Variants in TTK observed in about 807,000 individuals in gnomAD.
The protein encoded by TTK is dual specificity protein kinase TTK.
A neutral mutation model predicts 117.3 loss-of-function variants in TTK; 59 were observed. The ratio of observed to expected loss-of-function variants is 0.50; its 90% CI spans 0.41 to 0.62. The LOEUF is 0.62. TTK is among the 20% of genes least tolerant of loss of function. The probability of loss-of-function intolerance (pLI) is 0.00; values close to 1 mark genes in which losing one functional copy is unlikely to be tolerated. For synonymous variants in TTK, 302 were observed against 325.0 expected (o/e 0.93, Z 0.76); for missense variants, 921 against 989.4 (o/e 0.93, Z 0.93).
chr6:80,040,665 G>C lies in TTK; in HGVS notation c.2452G>C (p.Gly818Arg). Residue 818 changes from glycine to arginine, a missense_variant, in exon 21 of 22, where the codon GGT becomes CGT. Transcript: ENST00000369798. ...EMKYVLGQLV[G>R]LNSPNSILKA... is the part of the protein sequence containing the mutation. ...GAAATATGTTCTGGGCCAACTTGTT[G>C]GTCTGAATTCTCCTAACTCCATTTT... 1 of 1,611,762 alleles carries C rather than the reference G, an allele frequency of 6.2e-7. No individual in the cohort carries two copies. The highest frequency in any genetic ancestry group is 1.1e-5 in the South Asian group (1 of 90,944).
chr6:80,010,043 G>C (rs1471628559), intron 4 of TTK, among the ~76,000 whole-genome samples: 1 of 152,030 alleles, frequency 6.6e-6, no homozygotes, highest in Non-Finnish European at 1.5e-5. Flanking sequence ...AGAAGCTAGA[G>C]ATCATCTCTT....
intron 2 of TTK, chr6:80,006,193 CATTT>C: frequency 1.7e-6 from 1 of 574,994 alleles, no homozygotes; most frequent in Non-Finnish European, 3.2e-6. Flanking sequence ...GGCACTTAAA[CATTT>C]ATTGAACAAT....
intron 12 of TTK, among the ~76,000 whole-genome samples, chr6:80,027,372 A>T (rs1338225878): frequency 6.6e-6 from 1 of 152,192 alleles, no homozygotes; most frequent in Non-Finnish European, 1.5e-5. Context: ...AATTATTGTT[A>T]ACAAATATTT....
intron 2 of TTK, among the ~76,000 whole-genome samples, chr6:80,007,238 G>A (rs1228027048): frequency 6.6e-6 from 1 of 152,060 alleles, no homozygotes; most frequent in African/African-American, 2.4e-5. Flanking sequence ...AGAAATTTAG[G>A]TTACTTGGAG....
chr6:80,013,430 G>C, intron 9 of TTK, 64 bp downstream of exon 9: 1 of 1,340,968 alleles, frequency 7.5e-7, no homozygotes, highest in Non-Finnish European at 1.0e-6. Flanking sequence ...CAGTATTCAT[G>C]GAGCTTTTTC....
intron 11 of TTK, among the ~76,000 whole-genome samples, chr6:80,024,269 G>T (rs532844063): frequency 6.6e-6 from 1 of 152,246 alleles, no homozygotes; most frequent in African/African-American, 2.4e-5. Context: ...GTAGTTAAGA[G>T]AATTGAAAAC....
intron 1 of TTK, 146 bp from the exon 2 acceptor site, chr6:80,005,696 C>A: frequency 1.3e-6 from 1 of 789,096 alleles, no homozygotes; most frequent in South Asian, 1.8e-5. Flanking sequence ...GTGCACTTAC[C>A]TCCATTAATA....
At position 80,028,036 on chromosome 6, in the gene TTK, G is replaced by T. The variant is rs189475741; in HGVS notation, c.1521+25G>T. 7.1e-3 allele frequency: 11,211 copies of T among 1,570,490 alleles called. 68 individuals carry two copies. Among genetic ancestry groups the T allele is most frequent in the Non-Finnish European group, 8.8e-3 (10,222 of 1,160,442 alleles). On this transcript the variant is annotated intron_variant, in intron 13 of 21. Transcript: ENST00000369798. ...GGTTCGATAAGCTTTATATATGATG[G>T]TATATGTTAAGATACAGTCCGTTTT...
rs748390988 is a variant in TTK, at chr6:80,007,929, T to G, written c.260T>G (p.Leu87Trp). ...VPLSDALLNKLIGRYSQAIEA... is the reference protein window; with the variant it reads ...VPLSDALLNKWIGRYSQAIEA... ...CTAAGTGATGCTCTTTTAAATAAAT[T>G]GATTGGTCGTTACAGTCAAGCAATT... The change falls in exon 3 of 22, where the codon TTG becomes TGG. Residue 87 changes from leucine to tryptophan, a missense_variant. Transcript: ENST00000369798. 8 of 1,613,636 alleles carry G rather than the reference T, an allele frequency of 5.0e-6. No homozygotes were observed. Among genetic ancestry groups the G allele is most frequent in the Non-Finnish European group, 6.8e-6 (8 of 1,179,666 alleles).
rs199898922 is a variant in TTK at position 80,011,766 on chromosome 6, C to T, written c.766C>T (p.Arg256Trp). 1.1e-4 allele frequency: 172 copies of T among 1,612,600 alleles called. 1 individual carries two copies. The highest frequency in any genetic ancestry group is 2.3e-4 in the African/African-American group (17 of 74,904). Residue 256 changes from arginine (R) to tryptophan (W), a missense_variant, in exon 7 of 22, where the codon CGG (arginine) becomes TGG (tryptophan). Coordinates refer to ENST00000369798, the MANE Select transcript of TTK (RefSeq NM_003318.5). ...MPPQDAEIGY[R>W]NSLRQTNKTK... ...ACCACAAGATGCAGAAATAGGTTAC[C>T]GGAATTCATTGAGACAAACTAACAA...
At chr6:80,029,738 T>C (rs535939478) in intron 13 of TTK, among the ~76,000 whole-genome samples, 18 of 152,302 alleles carry the variant, frequency 1.2e-4, no homozygotes, top group African/African-American at 4.1e-4. Context: ...GGAAGTGAAA[T>C]GATCCAATTT....
In TTK at chr6:80,011,401, A is replaced by T. The variant is rs763093861; in HGVS notation, c.614-33A>T. On this transcript the variant is annotated intron_variant, in intron 5 of 21. Coordinates refer to ENST00000369798, the MANE Select transcript of TTK (RefSeq NM_003318.5). ...CTTTTTTGTACTTGTCTTATTTCTT[A>T]TAAATTTAATCATAGTTTCAAAATT... is the stretch of plus-strand genomic sequence containing the variant. The T allele has an allele frequency of 1.2e-5, 17 of 1,422,318 alleles. No individual in the cohort carries two copies. The East Asian group carries it at 4.0e-4, about 33-fold the overall frequency. 88.1% of individuals were successfully genotyped at this position (1,422,318 alleles called of 1,614,324 possible).
At position 80,014,579 on chromosome 6, in the gene TTK, A is replaced by G. The variant is rs1166504512; in HGVS notation, c.1101A>G (p.Lys367=). 3.8e-6 allele frequency: 6 copies of G among 1,598,032 alleles called. No homozygotes were observed. The highest frequency in any genetic ancestry group is 5.1e-6 in the Non-Finnish European group (6 of 1,173,296). Residue 367 remains lysine, a synonymous_variant, in exon 10 of 22, where the codon AAA becomes AAG. Coordinates refer to ENST00000369798, the MANE Select transcript of TTK (RefSeq NM_003318.5). ...KNKTESSLLA[K]LEETKEYQEP... The stretch of plus-strand genomic sequence containing the variant: ...AAACGGAATCAAGTCTTCTAGCTAA[A>G]TTAGAAGGTAAGAGTAACAAAATCA...
At chr6:80,005,669 A>G in intron 1 of TTK, 173 bp from the exon 2 acceptor site, 1 of 614,910 alleles carries the variant, frequency 1.6e-6, no homozygotes, top group South Asian at 2.2e-5. Flanking sequence ...AATTACAAAG[A>G]TGTGTACCTT....
intron 4 of TTK, 76 bp from the exon 5 acceptor site, chr6:80,010,738 A>G: frequency 7.0e-7 from 1 of 1,421,990 alleles, no homozygotes; most frequent in Non-Finnish European, 9.5e-7. Flanking sequence ...CTAGGTCCTG[A>G]TGAATACGTA....
chr6:80,035,665 C>T (rs534639679), intron 16 of TTK, among the ~76,000 whole-genome samples: 4 of 152,106 alleles, frequency 2.6e-5, no homozygotes, highest in South Asian at 2.1e-4. Flanking sequence ...TCAGTATTAA[C>T]GTAGTCTGTC....
At position 80,014,224 on chromosome 6, in the gene TTK, T is replaced by C. The variant is rs552382270; in HGVS notation, c.985-239T>C. 2.8e-4 allele frequency among the ~76,000 whole-genome samples: 42 copies of C among 152,286 alleles called. No individual in the cohort carries two copies. The South Asian group carries it at 8.7e-3, about 32-fold the overall frequency. On this transcript the variant is annotated intron_variant, in intron 9 of 21. Transcript: ENST00000369798. ...CTTTAAGTGAAATATATTTTAGCAA[T>C]TGATTAATACATCCACTGAAAGCAA...
At chr6:80,010,551 T>G (rs1337864195) in intron 4 of TTK, among the ~76,000 whole-genome samples, 1 of 151,332 alleles carries the variant, frequency 6.6e-6, no homozygotes, top group African/African-American at 2.4e-5. Flanking sequence ...ACAGTGGTGA[T>G]AAACTAATGC....
rs185300112 is a variant in TTK, at chr6:80,036,585, G to C, written c.2035G>C (p.Val679Leu). 1.9e-6 allele frequency: 3 copies of C among 1,608,606 alleles called. No homozygotes were observed. The highest frequency in any genetic ancestry group is 2.2e-5 in the East Asian group (1 of 44,642). ...AATGCAACCAGATACAACAAGTGTTGTTAAAGATTCTCAGGTAAGACTTAA... is the reference window on the plus strand; with the variant it reads ...AATGCAACCAGATACAACAAGTGTTCTTAAAGATTCTCAGGTAAGACTTAA... ...NQMQPDTTSV[V>L]KDSQVGTVNY... Residue 679 changes from valine (V) to leucine (L), a missense_variant, in exon 17 of 22, where the codon GTT (valine) becomes CTT (leucine). Val to Leu is a conservative substitution (Grantham distance 32). Coordinates refer to ENST00000369798, the MANE Select transcript of TTK (RefSeq NM_003318.5).
Sources: allele counts gnomAD v4.1 joint callset (sites outside exome capture counted in the v4.1 genomes callset), GRCh38; gene constraint gnomAD v4.1.1; transcripts MANE v1.5; gene names NCBI Gene and HGNC (gene_info 2026-07-23, HGNC 2026-07-21).